The following GRIP2 variants were observed in gnomAD, a reference collection of about 807,000 sequenced individuals.
GRIP2 encodes glutamate receptor-interacting protein 2.
A neutral mutation model predicts 108.3 loss-of-function variants in GRIP2; 58 were observed. The ratio of observed to expected loss-of-function variants is 0.54; its 90% CI spans 0.43 to 0.67. GRIP2 has a LOEUF of 0.67. Among genes scored for constraint, GRIP2 ranks in the 30% least tolerant of loss-of-function variants. The pLI is 0.00. For missense variants in GRIP2, 1,278 were observed against 1,430.6 expected (o/e 0.89, Z 1.72); for synonymous variants, 586 against 598.2 (o/e 0.98, Z 0.30).
rs997532377 is a variant in GRIP2, at chr3:14,524,547, G to A, written c.258-9C>T. 1 of 1,551,154 alleles carries A rather than the reference G, an allele frequency of 6.4e-7. No individual in the cohort carries two copies. The highest frequency in any genetic ancestry group is 8.7e-7 in the Non-Finnish European group (1 of 1,146,710). Reference sequence around the variant, plus strand: ...TGTTCAGCAGATCACTCCTAGAGCAGGAAGGCCAGGGCACACATGGTAACA... The same window carrying A: ...TGTTCAGCAGATCACTCCTAGAGCAAGAAGGCCAGGGCACACATGGTAACA... On this transcript the variant is annotated splice_polypyrimidine_tract_variant and intron_variant, in intron 3 of 23. Transcript: ENST00000621039.
chr3:14,528,272 T>C (rs891827659), intron 1 of GRIP2, among the ~76,000 whole-genome samples: 23 of 152,238 alleles, frequency 1.5e-4, no homozygotes, highest in African/African-American at 4.8e-4. Flanking sequence ...TTGGGTTGCA[T>C]CCAATGGATA....
intron 23 of GRIP2, 107 bp downstream of exon 23, chr3:14,494,736 C>T (rs1221167252): frequency 7.4e-7 from 1 of 1,352,308 alleles, no homozygotes. Flanking sequence ...CTGACTCAGA[C>T]TTGCATTGTC....
the GRIP2 span, chr3:14,574,509 G>A: frequency 1.4e-6 from 1 of 736,212 alleles, no homozygotes; most frequent in Non-Finnish European, 2.5e-6. Context: ...GGCCCTGCCA[G>A]TGAGGTACTC....
chr3:14,507,584 A>C lies in GRIP2; in HGVS notation c.2195T>G (p.Leu732Arg). The C allele has an allele frequency of 1.2e-6, 2 of 1,613,826 alleles. No homozygotes were observed. The highest frequency in any genetic ancestry group is 2.2e-5 in the East Asian group (1 of 44,874). The change falls in exon 18 of 24, where the codon CTG becomes CGG. Residue 732 changes from leucine to arginine, a missense_variant. Physicochemically the swap from Leu to Arg is moderately radical, Grantham distance 102. Coordinates refer to ENST00000621039, the MANE Select transcript of GRIP2 (RefSeq NM_001080423.4). This position sits in a 1 kb window ranked among gnomAD's most constrained non-coding sequence, Gnocchi z 4.6. ...LLQVAGETVT[L>R]KIKKQLDRPL... The stretch of plus-strand genomic sequence containing the variant: ...ACGGTCTAGTTGCTTCTTGATCTTC[A>C]GTGTGACGGTCTCTCCAGCCACCTG...
chr3:14,595,661 C>T, the GRIP2 span, among the ~76,000 whole-genome samples: 30 of 152,180 alleles, frequency 2.0e-4, no homozygotes, highest in Non-Finnish European at 4.3e-4. Flanking sequence ...TTGGTGTGGC[C>T]CTGTGGGTGC....
At chr3:14,571,715 T>C in the GRIP2 span, among the ~76,000 whole-genome samples, 2 of 152,172 alleles carry the variant, frequency 1.3e-5, no homozygotes, top group South Asian at 4.1e-4. Flanking sequence ...GCTTGTTCAA[T>C]CTGCACACAT....
At chr3:14,595,852 G>A in the GRIP2 span, among the ~76,000 whole-genome samples, 5 of 152,200 alleles carry the variant, frequency 3.3e-5, no homozygotes, top group Non-Finnish European at 2.9e-5. Flanking sequence ...GGCCTGGCTC[G>A]CAAAGGTTGC....
chr3:14,584,577 G>A, the GRIP2 span, among the ~76,000 whole-genome samples: 1 of 152,190 alleles, frequency 6.6e-6, no homozygotes, highest in Non-Finnish European at 1.5e-5. Context: ...TGTAAAACAC[G>A]TGTCCAGTGG....
Position 14,522,078 on chromosome 3 carries a change from A to T in GRIP2, c.567-291T>A. 2.5e-6 allele frequency: 1 copy of T among 396,860 alleles called. No homozygotes were observed. Among genetic ancestry groups the T allele is most frequent in the Non-Finnish European group, 4.5e-6 (1 of 222,452 alleles). The allele number at this position is 396,860 out of a possible 1,614,324, so 24.6% of individuals were successfully genotyped here. ...CACAGACTCAGTGCAGAACCCTGAAATGTCTGAGCTGGGGGTGCTCTTCAA... is the reference window on the plus strand; with the variant it reads ...CACAGACTCAGTGCAGAACCCTGAATTGTCTGAGCTGGGGGTGCTCTTCAA... On this transcript the variant is annotated intron_variant, in intron 6 of 23. Transcript: ENST00000621039. The surrounding 1 kb of genome is among the most constrained non-coding windows in gnomAD (Gnocchi z 4.3).
At chr3:14,504,491 T>C (rs1475949339) in intron 20 of GRIP2, among the ~76,000 whole-genome samples, 3 of 151,930 alleles carry the variant, frequency 2.0e-5, no homozygotes, top group African/African-American at 7.3e-5. Flanking sequence ...TTTTGTATTT[T>C]TACTAGAGAC....
At chr3:14,510,261 T>TTTG (rs1559336925) in intron 16 of GRIP2, among the ~76,000 whole-genome samples, 2 of 60,900 alleles carry the variant, frequency 3.3e-5, no homozygotes. Context: ...ATCCGTTGTT[T>TTTG]TTTTTTTTTT....
chr3:14,501,912 G>T (rs1559331848), intron 21 of GRIP2, among the ~76,000 whole-genome samples: 1 of 152,088 alleles, frequency 6.6e-6, no homozygotes, highest in African/African-American at 2.4e-5. Flanking sequence ...CCAAATTGGA[G>T]ATTGTGGAGA....
At chr3:14,550,534 G>A (rs527568751) in intron 1 of GRIP2, among the ~76,000 whole-genome samples, 1 of 152,342 alleles carries the variant, frequency 6.6e-6, no homozygotes, top group East Asian at 1.9e-4. Context: ...TGGTGCCTCA[G>A]AGGGGCCCTG....
the GRIP2 span, among the ~76,000 whole-genome samples, chr3:14,588,261 A>G: frequency 1.3e-5 from 2 of 152,174 alleles, no homozygotes; most frequent in African/African-American, 2.4e-5. Flanking sequence ...AGCCTGGTTT[A>G]TATTAGAAGA....
the GRIP2 span, among the ~76,000 whole-genome samples, chr3:14,586,161 G>GC: frequency 2.0e-5 from 3 of 152,084 alleles, no homozygotes; most frequent in Non-Finnish European, 4.4e-5. Context: ...CCTTGGTTGG[G>GC]CCCCACACAA....
intron 21 of GRIP2, among the ~76,000 whole-genome samples, chr3:14,498,237 G>A (rs1480025580): frequency 6.6e-6 from 1 of 152,176 alleles, no homozygotes; most frequent in Admixed American, 6.5e-5. Flanking sequence ...GGAGGCAGGA[G>A]GATTGTTTGA....
intron 2 of GRIP2, 38 bp downstream of exon 2, chr3:14,525,813 C>G: frequency 6.5e-7 from 1 of 1,544,576 alleles, no homozygotes; most frequent in African/African-American, 1.4e-5. Context: ...TCTGTGCCTC[C>G]AGGGCAGAAA....
Position 14,517,830 on chromosome 3 carries a change from C to A in GRIP2, c.1098G>T (p.Arg366=), listed in dbSNP as rs775278919. The change falls in exon 10 of 24, where the codon CGG becomes CGT. Residue 366 remains arginine (R), a synonymous_variant. Transcript: ENST00000621039. ...AGGTGGGCATCCTGCAGTGGCCGGG[C>A]CGGGGGCTGTGGCAGGAGGGCACGC... is the stretch of plus-strand genomic sequence containing the variant. ...DPCVPSCHSP[R]PGHCRMPTWA... The A allele has an allele frequency of 6.2e-7, 1 of 1,604,866 alleles. No individual in the cohort carries two copies. The highest frequency in any genetic ancestry group is 2.2e-5 in the East Asian group (1 of 44,496).
At chr3:14,508,543 G>A (rs896659659) in intron 17 of GRIP2, among the ~76,000 whole-genome samples, 1 of 152,180 alleles carries the variant, frequency 6.6e-6, no homozygotes, top group Non-Finnish European at 1.5e-5. Context: ...AGCTCCTGGA[G>A]AGTCATGCTT....
Sources: gnomAD v4.1 joint callset for allele counts (sites outside exome capture counted in the v4.1 genomes callset) on GRCh38, gnomAD v4.1.1 for gene constraint, Gnocchi (gnomAD v3.1) non-coding constraint, MANE v1.5 for transcripts, NCBI Gene and HGNC (gene_info 2026-07-23, HGNC 2026-07-21) for gene names.